The following HTR2C variants were observed in gnomAD, a reference collection of about 807,000 sequenced individuals.
The protein encoded by HTR2C is 5-hydroxytryptamine (serotonin) receptor 2C, G protein-coupled.
HTR2C carries 5 observed loss-of-function variants against 21.0 expected under a neutral mutation model. The observed-to-expected ratio is 0.24, with a 90% CI of 0.12 to 0.50. The LOEUF (loss-of-function observed/expected upper bound fraction) is 0.50, where lower values mean the gene tolerates loss of function less well. Ranked by LOEUF, HTR2C falls within the 20% of genes least tolerant of loss-of-function variation. The probability of loss-of-function intolerance (pLI) is 0.98; values close to 1 mark genes in which losing one functional copy is unlikely to be tolerated. For synonymous variants in HTR2C, 150 were observed against 145.3 expected, an observed-to-expected ratio of 1.03 and a Z score of -0.23; for missense variants, 271 against 371.2, an observed-to-expected ratio of 0.73 and a Z score of 2.22.
intron 4 of HTR2C, among the ~76,000 whole-genome samples, chrX:114,788,090 T>G (rs1304107911): frequency 9.0e-6 from 1 of 111,390 alleles, no homozygotes; most frequent in Non-Finnish European, 1.9e-5. Flanking sequence ...TGTTGTTGTT[T>G]TTTTACCCAA....
intron 4 of HTR2C, among the ~76,000 whole-genome samples, chrX:114,773,517 A>C (rs1556437733): frequency 8.9e-6 from 1 of 112,354 alleles, no homozygotes; most frequent in Non-Finnish European, 1.9e-5. Flanking sequence ...CTACAAACAG[A>C]CAATTTTTCA....
At chrX:114,845,327 A>G (rs781952107) in intron 4 of HTR2C, among the ~76,000 whole-genome samples, 2 of 111,169 alleles carry the variant, frequency 1.8e-5, no homozygotes, top group East Asian at 5.6e-4. Context: ...ATGGCAGAAT[A>G]AAAACTTAAT....
At chrX:114,643,931 G>C (rs782706754) in intron 2 of HTR2C, among the ~76,000 whole-genome samples, 367 of 111,416 alleles carry the variant, frequency 3.3e-3, no homozygotes, top group African/African-American at 0.011. Context: ...TGAATTCTAA[G>C]TGCAGTTAGT....
At chrX:114,854,456 G>A (rs928624884) in intron 5 of HTR2C, among the ~76,000 whole-genome samples, 1 of 110,716 alleles carries the variant, frequency 9.0e-6, no homozygotes, top group Non-Finnish European at 1.9e-5. Context: ...GTGCAGTTTT[G>A]ATATATGAAT....
intron 3 of HTR2C, 82 bp downstream of exon 3, chrX:114,727,053 A>G (rs2069488636): frequency 1.8e-6 from 1 of 558,630 alleles, no homozygotes; most frequent in Non-Finnish European, 2.7e-6. Context: ...AAATGCTTCT[A>G]TATGATCAGC....
chrX:114,870,237 A>C (rs2071081326), intron 5 of HTR2C, among the ~76,000 whole-genome samples: 1 of 110,045 alleles, frequency 9.1e-6, no homozygotes, highest in Admixed American at 9.7e-5. Context: ...ACAGGCATGC[A>C]CCACCACATC....
chrX:114,841,771 T>A (rs193273371), intron 4 of HTR2C, among the ~76,000 whole-genome samples: 2 of 111,620 alleles, frequency 1.8e-5, no homozygotes, highest in East Asian at 5.7e-4. Context: ...CTTGAAATGT[T>A]CTGCTAATTT....
chrX:114,762,484 C>A (rs5988126), intron 4 of HTR2C, among the ~76,000 whole-genome samples: 4,347 of 111,200 alleles, frequency 0.039, 213 homozygotes, highest in African/African-American at 0.13. Flanking sequence ...ACAATCTTCT[C>A]ATATATATTA....
intron 2 of HTR2C, among the ~76,000 whole-genome samples, chrX:114,624,029 C>T (rs34489669): frequency 0.13 from 13,312 of 105,907 alleles, 761 homozygotes; most frequent in South Asian, 0.3. Flanking sequence ...GTGCCTCAGC[C>T]TCCTGAGTAG....
chrX:114,647,818 CAG>C (rs1602661668), intron 2 of HTR2C, among the ~76,000 whole-genome samples: 3 of 111,179 alleles, frequency 2.7e-5, no homozygotes, highest in African/African-American at 9.8e-5. Context: ...AAAAAGAGGT[CAG>C]AGACATTGCA....
intron 2 of HTR2C, among the ~76,000 whole-genome samples, chrX:114,623,420 A>G (rs73638447): frequency 0.011 from 1,225 of 112,508 alleles, 18 homozygotes; most frequent in African/African-American, 0.037. Flanking sequence ...AACACAAAAT[A>G]AGTTTGCCAG....
intron 4 of HTR2C, among the ~76,000 whole-genome samples, chrX:114,833,244 T>C (rs2070746776): frequency 9.7e-6 from 1 of 102,756 alleles, no homozygotes; most frequent in Admixed American, 1.1e-4. Flanking sequence ...TCCCTCTTTT[T>C]CTATTGATTG....
At chrX:114,636,652 A>C (rs1354526278) in intron 2 of HTR2C, among the ~76,000 whole-genome samples, 2 of 111,841 alleles carry the variant, frequency 1.8e-5, no homozygotes, top group Non-Finnish European at 3.8e-5. Flanking sequence ...AGTCAGAGAC[A>C]GATATTGTGT....
At chrX:114,751,305 C>T (rs782565920) in intron 4 of HTR2C, among the ~76,000 whole-genome samples, 89 of 111,950 alleles carry the variant, frequency 7.9e-4, no homozygotes, top group African/African-American at 2.5e-3. Context: ...TGCCTTCATG[C>T]AGCTTACTTA....
chrX:114,591,538 C>T (rs1927632987), intron 1 of HTR2C, among the ~76,000 whole-genome samples: 1 of 111,379 alleles, frequency 9.0e-6, no homozygotes, highest in African/African-American at 3.3e-5. Flanking sequence ...GGATTATTAC[C>T]CACCTCTCAC....
chrX:114,840,410 A>C (rs5988145), intron 4 of HTR2C, among the ~76,000 whole-genome samples: 3,939 of 111,349 alleles, frequency 0.035, 174 homozygotes, highest in African/African-American at 0.12. Context: ...TAACAGTATA[A>C]TGGAGATGAC....
chrX:114,757,703 G>A (rs2069827272), intron 4 of HTR2C, among the ~76,000 whole-genome samples: 1 of 111,683 alleles, frequency 9.0e-6, no homozygotes, highest in African/African-American at 3.3e-5. Flanking sequence ...CAATATGTAG[G>A]TATTAAATAG....
chrX:114,749,156 A>G (rs1459608979), intron 4 of HTR2C, among the ~76,000 whole-genome samples: 1 of 110,334 alleles, frequency 9.1e-6, no homozygotes, highest in East Asian at 2.8e-4. Context: ...CAACAACAAC[A>G]ACAAACCACT....
At chrX:114,638,157 C>T (rs782680261) in intron 2 of HTR2C, among the ~76,000 whole-genome samples, 2 of 111,830 alleles carry the variant, frequency 1.8e-5, no homozygotes, top group African/African-American at 3.2e-5. Flanking sequence ...ATTTCAGAAA[C>T]AGGGAGTTTC....
Sources: allele counts gnomAD v4.1 joint callset (sites outside exome capture counted in the v4.1 genomes callset), GRCh38; gene constraint gnomAD v4.1.1; transcripts MANE v1.5; gene names NCBI Gene and HGNC (gene_info 2026-07-23, HGNC 2026-07-21).